DFFA: variants seen among roughly 807,000 people sequenced by gnomAD.
DFFA encodes the protein DFF45.
In DFFA, 14 loss-of-function variants were observed where a neutral mutation model predicts 28.0. The observed-to-expected ratio is 0.50, with a 90% confidence interval of 0.33 to 0.78. DFFA has a LOEUF of 0.78. Ranked by LOEUF, DFFA falls within the 30% of genes least tolerant of loss-of-function variation. The probability of loss-of-function intolerance (pLI) is 0.02; values close to 1 mark genes in which losing one functional copy is unlikely to be tolerated. For missense variants in DFFA, 395 were observed against 407.1 expected, an observed-to-expected ratio of 0.97 and a Z score of 0.26; for synonymous variants, 158 against 170.3, an observed-to-expected ratio of 0.93 and a Z score of 0.56.
chr1:10,468,741 ATTTT>A (rs112127951), intron 2 of DFFA, among the ~76,000 whole-genome samples: 1 of 137,880 alleles, frequency 7.3e-6, no homozygotes, highest in Non-Finnish European at 1.6e-5. Flanking sequence ...TCATTCATCT[ATTTT>A]TTTTTTTTTT....
rs1426465604 is a variant in DFFA, at chr1:10,467,319, A to C, written c.312T>G (p.Ala104=). Residue 104 remains alanine, a synonymous_variant, in exon 3 of 6, where the codon GCT becomes GCG. Coordinates refer to ENST00000377038, the MANE Select transcript of DFFA (RefSeq NM_004401.3). The stretch of plus-strand genomic sequence containing the variant: ...CATCAAAGGACTCTTGGGAAATCCA[A>C]GCTGTACCTCCATCTGACACATGGG... ...WAYNNSDGGT[A]WISQESFDVD... 1.1e-5 allele frequency: 18 copies of C among 1,614,008 alleles called. No individual in the cohort carries two copies. Among genetic ancestry groups the C allele is most frequent in the Non-Finnish European group, 1.5e-5 (18 of 1,180,038 alleles).
At chr1:10,468,208 C>G (rs1188891400) in intron 2 of DFFA, among the ~76,000 whole-genome samples, 1 of 151,920 alleles carries the variant, frequency 6.6e-6, no homozygotes, top group East Asian at 1.9e-4. Context: ...ATGTTAGTCC[C>G]CTTTCTATCT....
chr1:10,468,128 C>CTT (rs57035535), intron 2 of DFFA, among the ~76,000 whole-genome samples: 35 of 148,764 alleles, frequency 2.4e-4, no homozygotes, highest in South Asian at 2.4e-3. Context: ...CTTCAGGACA[C>CTT]TTTTTTTTTT....
In DFFA at chr1:10,472,278, C is replaced by T; in HGVS notation, c.136+45G>A. ...CCTCGCCCCCGCCGGACGTCCTCAC[C>T]CGGCCCTGGCTCCCCCACACCCTCG... On this transcript the variant is annotated intron_variant, in intron 1 of 5. Coordinates refer to ENST00000377038, the MANE Select transcript of DFFA (RefSeq NM_004401.3). This position sits in a 1 kb window ranked among gnomAD's most constrained non-coding sequence, Gnocchi z 5.0. The T allele has an allele frequency of 3.3e-6, 5 of 1,528,070 alleles. No individual in the cohort carries two copies. Among genetic ancestry groups the T allele is most frequent in the Middle Eastern group, 3.8e-4 (2 of 5,320 alleles). The allele number at this position is 1,528,070 out of a possible 1,614,324, so 94.7% of individuals were successfully genotyped here.
At chr1:10,469,062 T>A (rs1237028246) in intron 2 of DFFA, 115 bp downstream of exon 2, 2 of 1,125,538 alleles carry the variant, frequency 1.8e-6, no homozygotes, top group East Asian at 4.8e-5. Context: ...TCAGTAAATA[T>A]CTGTTGAACA....
chr1:10,469,152 T>A, intron 2 of DFFA, 25 bp downstream of exon 2: 1 of 1,612,984 alleles, frequency 6.2e-7, no homozygotes, highest in Non-Finnish European at 8.5e-7. Flanking sequence ...CATAGGCCGT[T>A]TTATACATGG....
At chr1:10,471,894 AG>A (rs538502450) in intron 1 of DFFA, among the ~76,000 whole-genome samples, 512 of 152,240 alleles carry the variant, frequency 3.4e-3, no homozygotes, top group Non-Finnish European at 6.1e-3. Context: ...AGAAATGGTC[AG>A]TAGCAGCTCC....
At chr1:10,462,163 T>C (rs1262052859) in intron 5 of DFFA, among the ~76,000 whole-genome samples, 1 of 152,010 alleles carries the variant, frequency 6.6e-6, no homozygotes, top group Non-Finnish European at 1.5e-5. Flanking sequence ...CAGCCTGCCA[T>C]GGGCTTTTTT....
Position 10,469,131 on chromosome 1 carries a change from AT to A in DFFA, c.298+45del, listed in dbSNP as rs767288918. 8.9e-6 allele frequency: 14 copies of A among 1,577,962 alleles called. No individual in the cohort carries two copies. In the South Asian group the frequency reaches 1.6e-4, roughly 18 times the overall value. On this transcript the variant is annotated intron_variant, in intron 2 of 5. Transcript: ENST00000377038. Reference sequence around the variant, plus strand: ...TGTGCAGTGAAAGTAATCATGATGGATGCTGTACTGCATAGGCCGTTTTATA... The same window carrying A: ...TGTGCAGTGAAAGTAATCATGATGGAGCTGTACTGCATAGGCCGTTTTATA...
chr1:10,466,851 G>A (rs1046211618), intron 3 of DFFA, among the ~76,000 whole-genome samples: 12 of 150,530 alleles, frequency 8.0e-5, no homozygotes, highest in Admixed American at 6.7e-4. Flanking sequence ...TACCTGGGAC[G>A]CTGAGACAGG....
chr1:10,465,741 G>A (rs1482451438), intron 3 of DFFA, among the ~76,000 whole-genome samples: 1 of 151,886 alleles, frequency 6.6e-6, no homozygotes, highest in Non-Finnish European at 1.5e-5. Flanking sequence ...TTGTTGCCCA[G>A]GTTGGTGTGG....
intron 2 of DFFA, 59 bp from the exon 3 acceptor site, chr1:10,467,391 T>A (rs1641038310): frequency 1.3e-6 from 2 of 1,584,116 alleles, no homozygotes; most frequent in Non-Finnish European, 1.7e-6. Flanking sequence ...TTTCACCTCC[T>A]CCCCCAGCAC....
At chr1:10,462,489 G>A (rs1377969470) in intron 5 of DFFA, 1 of 987,940 alleles carries the variant, frequency 1.0e-6, no homozygotes, top group Non-Finnish European at 1.2e-6. Flanking sequence ...AAGTTTACTT[G>A]GAGCAACTCT....
In DFFA at chr1:10,469,259, A is replaced by G; in HGVS notation, c.216T>C (p.Asp72=). Residue 72 remains aspartate, a synonymous_variant, in exon 2 of 6, where the codon GAT becomes GAC. Coordinates refer to ENST00000377038, the MANE Select transcript of DFFA (RefSeq NM_004401.3). ...VLAEDGTIVD[D]DDYFLCLPSN... ...AAGGTAGACACAGAAAGTAATCGTC[A>G]TCATCCACTATGGTGCCATCCTCTG... 1 of 1,614,200 alleles carries G rather than the reference A, an allele frequency of 6.2e-7. No homozygotes were observed. Among genetic ancestry groups the G allele is most frequent in the Non-Finnish European group, 8.5e-7 (1 of 1,179,998 alleles).
intron 1 of DFFA, among the ~76,000 whole-genome samples, chr1:10,470,922 G>T (rs1469989638): frequency 6.6e-6 from 1 of 150,942 alleles, no homozygotes; most frequent in African/African-American, 2.4e-5. Flanking sequence ...AATTAGATGG[G>T]CGTGGTGGTG....
intron 1 of DFFA, among the ~76,000 whole-genome samples, chr1:10,470,956 G>C (rs1279130219): frequency 2.0e-5 from 3 of 150,118 alleles, no homozygotes; most frequent in Admixed American, 6.6e-5. Flanking sequence ...CCAGCTACTC[G>C]GGAGGCTGAA....
chr1:10,461,633 C>T lies in DFFA; in HGVS notation c.853G>A (p.Val285Ile), dbSNP rs775953860. 1.9e-6 allele frequency: 3 copies of T among 1,614,252 alleles called. No individual in the cohort carries two copies. Among genetic ancestry groups the T allele is most frequent in the Admixed American group, 3.3e-5 (2 of 60,032 alleles). The stretch of plus-strand genomic sequence containing the variant: ...AGCTCCCGCTCACAGGCCTCCTGAA[C>T]AGTCTCCGTCTTCTTTATGTCCCAG... ...LNWDIKKTETVQEACERELAL... is the reference protein window; with the variant it reads ...LNWDIKKTETIQEACERELAL... Residue 285 changes from valine (V) to isoleucine (I), a missense_variant, in exon 6 of 6, where the codon GTT becomes ATT. Transcript: ENST00000377038.
At chr1:10,465,031 T>C (rs572615751) in intron 3 of DFFA, among the ~76,000 whole-genome samples, 1 of 152,244 alleles carries the variant, frequency 6.6e-6, no homozygotes, top group East Asian at 1.9e-4. Flanking sequence ...GTGGGAGGAC[T>C]GCCTGAGCCC....
At position 10,461,544 on chromosome 1, in the gene DFFA, G is replaced by A; in HGVS notation, c.942C>T (p.Ala314=). 6.2e-7 allele frequency: 1 copy of A among 1,614,102 alleles called. No homozygotes were observed. Among genetic ancestry groups the A allele is most frequent in the South Asian group, 1.1e-5 (1 of 91,016 alleles). ...HSLRSISASK[A]SPPGDLQNPK... is the part of the protein sequence containing the mutation. ...GATTCTGCAGGTCACCAGGTGGTGA[G>A]GCCTTGCTTGCTGAGATGCTCCGGA... The change falls in exon 6 of 6, where the codon GCC becomes GCT. Residue 314 remains alanine, a synonymous_variant. Coordinates refer to ENST00000377038, the MANE Select transcript of DFFA (RefSeq NM_004401.3).
Sources: allele counts gnomAD v4.1 joint callset (sites outside exome capture counted in the v4.1 genomes callset), GRCh38; gene constraint gnomAD v4.1.1; non-coding constraint Gnocchi (gnomAD v3.1); transcripts MANE v1.5; gene names NCBI Gene and HGNC (gene_info 2026-07-23, HGNC 2026-07-21).